Variants in LPGAT1 observed in about 807,000 individuals in gnomAD.
LPGAT1 encodes the protein acyl-CoA:lysophosphatidylglycerol acyltransferase 1.
LPGAT1 carries 11 observed loss-of-function variants against 47.5 expected under a neutral mutation model. The ratio of observed to expected loss-of-function variants is 0.23; its 90% CI spans 0.15 to 0.38. LPGAT1 has a LOEUF of 0.38. Ranked by LOEUF, LPGAT1 falls within the 10% of genes least tolerant of loss-of-function variation. The probability of loss-of-function intolerance (pLI) is 1.00; values close to 1 mark genes in which losing one functional copy is unlikely to be tolerated. For synonymous variants in LPGAT1, 138 were observed against 144.2 expected (o/e 0.96, Z 0.31); for missense variants, 293 against 439.0 (o/e 0.67, Z 2.97).
intron 2 of LPGAT1, among the ~76,000 whole-genome samples, chr1:211,824,358 T>A (rs980230444): frequency 2.0e-5 from 3 of 152,168 alleles, no homozygotes; most frequent in African/African-American, 7.2e-5. Flanking sequence ...ACTGTGCCAC[T>A]GTACTCCAGG....
In LPGAT1 at chr1:211,829,302, C is replaced by T. The variant is rs572943066; in HGVS notation, c.-6G>A. ...TCTTCCAAAGTTATAGCCATTCTCACACTGGACTCCGTCCTGTCTTTCTGG... is the reference window on the plus strand; with the variant it reads ...TCTTCCAAAGTTATAGCCATTCTCATACTGGACTCCGTCCTGTCTTTCTGG... On this transcript the variant is annotated 5_prime_UTR_variant, in exon 2 of 8. In the 5' UTR this introduces an upstream ATG that the reference lacks. Transcript: ENST00000366997. 1 of 1,614,152 alleles carries T rather than the reference C, an allele frequency of 6.2e-7. No individual in the cohort carries two copies. The highest frequency in any genetic ancestry group is 1.7e-5 in the Admixed American group (1 of 60,026).
At chr1:211,774,420 A>C (rs1571714479) in intron 6 of LPGAT1, among the ~76,000 whole-genome samples, 1 of 152,174 alleles carries the variant, frequency 6.6e-6, no homozygotes, top group East Asian at 1.9e-4. Context: ...ACAGCCTGAA[A>C]GACTCTTTTA....
Position 211,830,441 on chromosome 1 carries a change from G to A in LPGAT1, c.-28+132C>T. 8.5e-7 allele frequency: 1 copy of A among 1,172,768 alleles called. No homozygotes were observed. Among genetic ancestry groups the A allele is most frequent in the Non-Finnish European group, 1.1e-6 (1 of 947,242 alleles). 72.6% of individuals were successfully genotyped at this position (1,172,768 alleles called of 1,614,324 possible). A position where few individuals can be genotyped will look rare whatever the true frequency, so the allele number is the denominator to read the frequency against. On this transcript the variant is annotated intron_variant, in intron 1 of 7. Transcript: ENST00000366997. The surrounding 1 kb of genome is among the most constrained non-coding windows in gnomAD (Gnocchi z 5.9). ...CCGCCTCCTCCCCGGGGCCTACCGC[G>A]CCCTCGTCCCTCAGGCCGCTGCCGC... is the stretch of plus-strand genomic sequence containing the variant.
intron 2 of LPGAT1, among the ~76,000 whole-genome samples, chr1:211,805,805 C>A (rs751352185): frequency 2.0e-5 from 3 of 152,040 alleles, no homozygotes; most frequent in Non-Finnish European, 4.4e-5. Flanking sequence ...GCCAGTATTG[C>A]CCAGATACCA....
At position 211,748,476 on chromosome 1, in the gene LPGAT1, G is replaced by A. The variant is rs1322533708; in HGVS notation, c.*1423C>T. On this transcript the variant is annotated 3_prime_UTR_variant, in exon 8 of 8. Coordinates refer to ENST00000366997, the MANE Select transcript of LPGAT1 (RefSeq NM_014873.3). Reference sequence around the variant, plus strand: ...GAGGTGGGCAGATCACCTGAGGTCAGGAGTTCGAGGCCAGCCTGGCCAACA... The same window carrying A: ...GAGGTGGGCAGATCACCTGAGGTCAAGAGTTCGAGGCCAGCCTGGCCAACA... 6.6e-6 allele frequency: 1 copy of A among 152,282 alleles called. No homozygotes were observed. Among genetic ancestry groups the A allele is most frequent in the Non-Finnish European group, 1.5e-5 (1 of 68,078 alleles). 9.4% of individuals were successfully genotyped at this position (152,282 alleles called of 1,614,324 possible). A position where few individuals can be genotyped will look rare whatever the true frequency, so the allele number is the denominator to read the frequency against.
intron 6 of LPGAT1, among the ~76,000 whole-genome samples, chr1:211,752,497 C>T (rs1657238722): frequency 6.6e-6 from 1 of 152,164 alleles, no homozygotes; most frequent in South Asian, 2.1e-4. Flanking sequence ...TAGGAGACAC[C>T]AGAGACCAGA....
chr1:211,825,735 C>T (rs958873403), intron 2 of LPGAT1, among the ~76,000 whole-genome samples: 5 of 152,152 alleles, frequency 3.3e-5, no homozygotes, highest in African/African-American at 1.2e-4. Context: ...CCAACGTGGG[C>T]GGATCACAAG....
chr1:211,830,305 T>C lies in LPGAT1; in HGVS notation c.-28+268A>G, dbSNP rs1475206051. The C allele has an allele frequency of 3.4e-5, 37 of 1,081,668 alleles. No homozygotes were observed. The highest frequency in any genetic ancestry group is 4.1e-5 in the Non-Finnish European group (37 of 892,112). 67.0% of individuals were successfully genotyped at this position (1,081,668 alleles called of 1,614,324 possible). ...CGAGGCGCTGCGCGAGCGGGCGCGC[T>C]GGCGCCCTACTCCCCTCGCGGCTGC... On this transcript the variant is annotated intron_variant, in intron 1 of 7. Coordinates refer to ENST00000366997, the MANE Select transcript of LPGAT1 (RefSeq NM_014873.3). This position sits in a 1 kb window ranked among gnomAD's most constrained non-coding sequence, Gnocchi z 5.9.
chr1:211,791,482 G>A (rs1275976671), intron 3 of LPGAT1, among the ~76,000 whole-genome samples: 1 of 152,124 alleles, frequency 6.6e-6, no homozygotes, highest in Admixed American at 6.5e-5. Flanking sequence ...TATGGCTCAT[G>A]CCTGTAATCC....
At chr1:211,776,937 C>T (rs1399578361) in intron 6 of LPGAT1, among the ~76,000 whole-genome samples, 2 of 152,128 alleles carry the variant, frequency 1.3e-5, no homozygotes, top group African/African-American at 2.4e-5. Flanking sequence ...TGCCAACCTC[C>T]TCACATTACA....
rs754161092 is a variant in LPGAT1 at position 211,749,905 on chromosome 1, C to G, written c.1107G>C (p.Leu369=). The G allele has an allele frequency of 1.2e-6, 2 of 1,613,714 alleles. No homozygotes were observed. Among genetic ancestry groups the G allele is most frequent in the African/African-American group, 2.7e-5 (2 of 74,872 alleles). Residue 369 remains leucine, a synonymous_variant, in exon 8 of 8, where the codon CTG becomes CTC. Transcript: ENST00000366997. ...YNIIQYFYHC[L]F Reference sequence around the variant, plus strand: ...GACAAGTCCACGTCAATTCCTAAAACAGGCAATGGTAAAAATACTGAATGA... The same window carrying G: ...GACAAGTCCACGTCAATTCCTAAAAGAGGCAATGGTAAAAATACTGAATGA...
intron 6 of LPGAT1, among the ~76,000 whole-genome samples, chr1:211,756,994 C>T (rs904496368): frequency 1.3e-5 from 2 of 151,692 alleles, no homozygotes. Context: ...TGCGGTGGCT[C>T]ACACCTGTAA....
intron 2 of LPGAT1, chr1:211,793,445 A>G (rs1236699488): frequency 7.6e-6 from 1 of 130,928 alleles, no homozygotes; most frequent in African/African-American, 2.9e-5. Context: ...TTATTTATTT[A>G]TATTTGAGAC....
rs1657158910 is a variant in LPGAT1 at position 211,751,072 on chromosome 1, T to G, written c.855-5A>C. The G allele has an allele frequency of 1.3e-6, 2 of 1,582,710 alleles. No homozygotes were observed. The highest frequency in any genetic ancestry group is 2.2e-5 in the East Asian group (1 of 44,700). On this transcript the variant is annotated splice_polypyrimidine_tract_variant and splice_region_variant and intron_variant, in intron 6 of 7. Coordinates refer to ENST00000366997, the MANE Select transcript of LPGAT1 (RefSeq NM_014873.3). Reference sequence around the variant, plus strand: ...ACATCTTTAATTGGAAAGATCCTATTAAGGGTTAGAAGAAAAGAACAAAAA... The same window carrying G: ...ACATCTTTAATTGGAAAGATCCTATGAAGGGTTAGAAGAAAAGAACAAAAA...
At chr1:211,753,295 G>A (rs1157054927) in intron 6 of LPGAT1, among the ~76,000 whole-genome samples, 1 of 152,172 alleles carries the variant, frequency 6.6e-6, no homozygotes, top group African/African-American at 2.4e-5. Context: ...GTCTGCCAAT[G>A]TCTTTTTTCT....
chr1:211,817,680 A>G (rs1318823939), intron 2 of LPGAT1, among the ~76,000 whole-genome samples: 1 of 152,190 alleles, frequency 6.6e-6, no homozygotes, highest in East Asian at 1.9e-4. Context: ...AACAACTGGC[A>G]ACATTTTACC....
At chr1:211,821,062 G>A (rs1660355392) in intron 2 of LPGAT1, among the ~76,000 whole-genome samples, 1 of 152,092 alleles carries the variant, frequency 6.6e-6, no homozygotes. Context: ...AAAAGAAAGT[G>A]TGAGGCAACA....
intron 2 of LPGAT1, among the ~76,000 whole-genome samples, chr1:211,813,857 A>C (rs1203597582): frequency 1.3e-5 from 2 of 152,168 alleles, no homozygotes; most frequent in African/African-American, 4.8e-5. Context: ...AAGAACCACA[A>C]CCCCTGCCCT....
intron 5 of LPGAT1, among the ~76,000 whole-genome samples, chr1:211,779,709 G>A (rs372464355): frequency 1.3e-5 from 2 of 152,048 alleles, no homozygotes; most frequent in South Asian, 2.1e-4. Context: ...AAAATTAGCC[G>A]GGTATGGTGG....
Sources: gnomAD v4.1 joint callset for allele counts (sites outside exome capture counted in the v4.1 genomes callset) on GRCh38, gnomAD v4.1.1 for gene constraint, Gnocchi (gnomAD v3.1) non-coding constraint, MANE v1.5 for transcripts, NCBI Gene and HGNC (gene_info 2026-07-23, HGNC 2026-07-21) for gene names.